The following PTPRT variants were observed in gnomAD, a reference collection of about 807,000 sequenced individuals.
PTPRT encodes the protein receptor-type tyrosine-protein phosphatase T.
PTPRT carries 56 observed loss-of-function variants against 176.8 expected under a neutral mutation model. The ratio of observed to expected loss-of-function variants is 0.32; its 90% confidence interval spans 0.26 to 0.40. The LOEUF (loss-of-function observed/expected upper bound fraction) is 0.40, where lower values mean the gene tolerates loss of function less well. Ranked by LOEUF, PTPRT falls within the 10% of genes least tolerant of loss-of-function variation. The probability of loss-of-function intolerance (pLI) is 1.00; values close to 1 mark genes in which losing one functional copy is unlikely to be tolerated. For synonymous variants in PTPRT, 783 were observed against 739.0 expected (o/e 1.06, Z -0.96); for missense variants, 1,540 against 1,908.2 (o/e 0.81, Z 3.60).
rs1215743696 is a variant in PTPRT at position 42,615,551 on chromosome 20, C to G, written c.1153+62315G>C. On this transcript the variant is annotated intron_variant, in intron 7 of 30. Transcript: ENST00000373187. ...TGGTTGAACTGGATTACAGTCCCAC[C>G]AACAGTGTAAAAGTGTTCCTATTTC... is the stretch of plus-strand genomic sequence containing the variant. 6.5e-5 allele frequency among the ~76,000 whole-genome samples: 9 copies of G among 138,084 alleles called. 1 individual carries two copies. The highest frequency in any genetic ancestry group is 1.1e-4 in the Non-Finnish European group (7 of 65,712). The allele number at this position is 138,084 out of a possible 152,430, so 90.6% of individuals were successfully genotyped here.
chr20:42,462,530 T>A (rs918080443), intron 8 of PTPRT, among the ~76,000 whole-genome samples: 1 of 152,056 alleles, frequency 6.6e-6, no homozygotes, highest in Admixed American at 6.6e-5. Flanking sequence ...GAGAAGGGAA[T>A]GAGGGCAATG....
chr20:43,119,903 G>A (rs181988411), intron 1 of PTPRT, among the ~76,000 whole-genome samples: 135 of 152,312 alleles, frequency 8.9e-4, no homozygotes, highest in African/African-American at 3.2e-3. Flanking sequence ...TCTCCAGCAA[G>A]GCCACATGGG....
intron 9 of PTPRT, among the ~76,000 whole-genome samples, chr20:42,413,093 G>C (rs979266248): frequency 1.6e-4 from 25 of 151,994 alleles, no homozygotes; most frequent in Non-Finnish European, 3.5e-4. Context: ...CAAACAAGCA[G>C]AAACAAAGAT....
chr20:42,614,449 A>G (rs534808753), intron 7 of PTPRT, among the ~76,000 whole-genome samples: 50 of 152,266 alleles, frequency 3.3e-4, no homozygotes, highest in South Asian at 6.2e-4. Flanking sequence ...CTATGCCCCA[A>G]TCAGGGTCCT....
chr20:42,033,673 A>T, the PTPRT span, among the ~76,000 whole-genome samples: 4 of 152,162 alleles, frequency 2.6e-5, no homozygotes, highest in Non-Finnish European at 4.4e-5. Flanking sequence ...GAGCTTGGAT[A>T]AATTACTTAA....
At chr20:42,568,801 G>C (rs2073092473) in intron 7 of PTPRT, among the ~76,000 whole-genome samples, 2 of 151,774 alleles carry the variant, frequency 1.3e-5, no homozygotes, top group Admixed American at 1.3e-4. Context: ...TGTAATCCCA[G>C]AACTTTGAGA....
chr20:42,120,524 C>T (rs1987533961), intron 19 of PTPRT, among the ~76,000 whole-genome samples: 1 of 152,186 alleles, frequency 6.6e-6, no homozygotes, highest in African/African-American at 2.4e-5. Flanking sequence ...CGGAGAAGAC[C>T]TTATGGAAGG....
At chr20:42,262,648 A>G (rs2056769180) in intron 13 of PTPRT, among the ~76,000 whole-genome samples, 1 of 152,210 alleles carries the variant, frequency 6.6e-6, no homozygotes, top group Admixed American at 6.5e-5. Flanking sequence ...GATGGGGGTG[A>G]GTATACCATG....
chr20:42,329,872 G>A (rs2057942796), intron 11 of PTPRT, among the ~76,000 whole-genome samples: 1 of 152,078 alleles, frequency 6.6e-6, no homozygotes, highest in African/African-American at 2.4e-5. Flanking sequence ...AATTACCTTA[G>A]TATTGTGATA....
At position 42,674,283 on chromosome 20, in the gene PTPRT, C is replaced by T. The variant is rs372298439; in HGVS notation, c.1153+3583G>A. The stretch of plus-strand genomic sequence containing the variant: ...ATTTTAGCTGTAACTTAAACACCAA[C>T]GTTTTTTAAAAATAAAATACCACAA... On this transcript the variant is annotated intron_variant, in intron 7 of 30. Coordinates refer to ENST00000373187, the MANE Select transcript of PTPRT (RefSeq NM_007050.6). Among the ~76,000 whole-genome samples, 39 of 152,234 alleles carry T rather than the reference C, an allele frequency of 2.6e-4. No individual in the cohort carries two copies. The East Asian group carries it at 4.2e-3, about 17-fold the overall frequency.
chr20:42,758,009 A>C (rs1270573524), intron 5 of PTPRT, among the ~76,000 whole-genome samples: 1 of 152,216 alleles, frequency 6.6e-6, no homozygotes, highest in Non-Finnish European at 1.5e-5. Flanking sequence ...CAGAAGAAAA[A>C]TCCAAATGTC....
intron 1 of PTPRT, among the ~76,000 whole-genome samples, chr20:42,894,956 T>C (rs1029233317): frequency 6.6e-6 from 1 of 152,176 alleles, no homozygotes; most frequent in Admixed American, 6.5e-5. Flanking sequence ...ATCGCTGGTA[T>C]GTGAAGAGCT....
At chr20:42,449,958 A>AT (rs1195892827) in intron 8 of PTPRT, among the ~76,000 whole-genome samples, 3 of 152,104 alleles carry the variant, frequency 2.0e-5, no homozygotes, top group African/African-American at 4.8e-5. Context: ...ATGCATATAT[A>AT]TATTTTTTAT....
At chr20:43,005,377 A>G (rs1035115436) in intron 1 of PTPRT, among the ~76,000 whole-genome samples, 4 of 151,874 alleles carry the variant, frequency 2.6e-5, no homozygotes, top group Non-Finnish European at 5.9e-5. Context: ...GCTCTGTGTC[A>G]CCTCAGGGAC....
At chr20:42,349,279 T>C (rs1042187302) in intron 11 of PTPRT, among the ~76,000 whole-genome samples, 2 of 152,170 alleles carry the variant, frequency 1.3e-5, no homozygotes, top group Non-Finnish European at 2.9e-5. Flanking sequence ...CACCTTGATG[T>C]TTATGTTAAA....
At chr20:42,692,430 CTG>C (rs2075807064) in intron 6 of PTPRT, among the ~76,000 whole-genome samples, 1 of 152,088 alleles carries the variant, frequency 6.6e-6, no homozygotes, top group South Asian at 2.1e-4. Flanking sequence ...TATTAACAAA[CTG>C]AAAGATAAAA....
rs146511828 is a variant in PTPRT, at chr20:42,456,437, A to G, written c.1451-8108T>C. 8.5e-5 allele frequency among the ~76,000 whole-genome samples: 13 copies of G among 152,174 alleles called. No individual in the cohort carries two copies. The East Asian group carries it at 2.5e-3, about 29-fold the overall frequency. ...AGAAATGATGATATGTCTATCTCCA[A>G]TTTCAAAGATAATGATGATATTGTT... is the stretch of plus-strand genomic sequence containing the variant. On this transcript the variant is annotated intron_variant, in intron 8 of 30. Transcript: ENST00000373187.
chr20:42,791,311 C>T lies in PTPRT; in HGVS notation c.370G>A (p.Val124Met), dbSNP rs2145548261. Residue 124 changes from valine to methionine, a missense_variant, in exon 3 of 31, where the codon GTG becomes ATG. Val to Met is a conservative substitution (Grantham distance 21, BLOSUM62 1). Transcript: ENST00000373187. ...RSSPGALNVYVKVNGGPQGNP... is the reference protein window; with the variant it reads ...RSSPGALNVYMKVNGGPQGNP... ...CCTTGGGGGCCACCATTCACCTTCA[C>T]GTAGACGTTCAAGGCCCCTGGGCTG... 2 of 1,614,222 alleles carry T rather than the reference C, an allele frequency of 1.2e-6. No individual in the cohort carries two copies. Among genetic ancestry groups the T allele is most frequent in the Non-Finnish European group, 8.5e-7 (1 of 1,180,032 alleles).
At chr20:42,591,315 G>T (rs2073570769) in intron 7 of PTPRT, among the ~76,000 whole-genome samples, 1 of 152,072 alleles carries the variant, frequency 6.6e-6, no homozygotes, top group Non-Finnish European at 1.5e-5. Context: ...TTCTATGAAG[G>T]TTGAAGATAG....
Sources: allele counts gnomAD v4.1 joint callset (sites outside exome capture counted in the v4.1 genomes callset), GRCh38; gene constraint gnomAD v4.1.1; transcripts MANE v1.5; gene names NCBI Gene and HGNC (gene_info 2026-07-23, HGNC 2026-07-21).